DPY19L1: variants seen among roughly 807,000 people sequenced by gnomAD.
DPY19L1 encodes the protein protein C-mannosyl-transferase DPY19L1.
In DPY19L1, 35 loss-of-function variants were observed where a neutral mutation model predicts 96.9. The observed-to-expected ratio is 0.36, with a 90% CI of 0.28 to 0.48. The LOEUF is 0.48. Among genes scored for constraint, DPY19L1 ranks in the 20% least tolerant of loss-of-function variants. The pLI is 0.99. For synonymous variants in DPY19L1, 205 were observed against 252.6 expected, an observed-to-expected ratio of 0.81 and a Z score of 1.79; for missense variants, 521 against 777.9, an observed-to-expected ratio of 0.67 and a Z score of 3.93.
intron 1 of DPY19L1, among the ~76,000 whole-genome samples, chr7:35,031,514 C>A (rs1274197249): frequency 7.2e-6 from 1 of 139,262 alleles, no homozygotes; most frequent in Admixed American, 7.1e-5. Context: ...CATTAATATA[C>A]CTAACACACT....
intron 1 of DPY19L1, among the ~76,000 whole-genome samples, chr7:35,033,560 T>A (rs1562833886): frequency 6.6e-6 from 1 of 152,162 alleles, no homozygotes; most frequent in Non-Finnish European, 1.5e-5. Flanking sequence ...CATTTATTAT[T>A]CCCATTTTAA....
At chr7:35,006,513 A>G (rs963908226) in intron 6 of DPY19L1, among the ~76,000 whole-genome samples, 36 of 152,166 alleles carry the variant, frequency 2.4e-4, no homozygotes, top group African/African-American at 8.2e-4. Flanking sequence ...ATTTCCACAC[A>G]CTGGGTCTTA....
At chr7:35,037,488 C>G (rs1786460345), upstream of DPY19L1, 3 of 298,498 alleles carry the variant, frequency 1.0e-5, no homozygotes, top group East Asian at 5.0e-5. Context: ...CACTCTCCAG[C>G]GGGCGGGCGG....
chr7:35,004,663 T>A (rs1417186846), intron 6 of DPY19L1, among the ~76,000 whole-genome samples: 1 of 152,230 alleles, frequency 6.6e-6, no homozygotes, highest in African/African-American at 2.4e-5. Flanking sequence ...AGTATTTTAC[T>A]GGTTATTTAT....
At chr7:35,037,815 C>T, upstream of DPY19L1, 2 of 1,226,560 alleles carry the variant, frequency 1.6e-6, no homozygotes, top group Non-Finnish European at 1.0e-6. Context: ...CGGCTACCCA[C>T]ACCTCTTCGG....
intron 7 of DPY19L1, among the ~76,000 whole-genome samples, chr7:34,981,166 A>G (rs113818110): frequency 2.0e-5 from 3 of 152,344 alleles, no homozygotes; most frequent in African/African-American, 4.8e-5. Flanking sequence ...TGAAAAGTAT[A>G]TATCATTAAA....
rs1276408085 is a variant in DPY19L1 at position 34,931,662 on chromosome 7, A to G, written c.2158T>C (p.Cys720Arg). The change falls in exon 22 of 22, where the codon TGT becomes CGT. Residue 720 changes from cysteine to arginine, a missense_variant. By Grantham distance (180) the Cys-to-Arg change is radical. Coordinates refer to ENST00000638088, the MANE Select transcript of DPY19L1 (RefSeq NM_001366673.1). ...DPANAGKTPL[C>R]NLLVKDSKPH... ...TTGGAATCCTTCACCAAGAGGTTAC[A>G]TAAGGGAGTTTTCCCAGCATTGGCA... 1.9e-6 allele frequency: 3 copies of G among 1,599,422 alleles called. No homozygotes were observed. Among genetic ancestry groups the G allele is most frequent in the African/African-American group, 1.3e-5 (1 of 74,414 alleles).
chr7:35,038,039 G>C (rs1363950853), upstream of DPY19L1: 10 of 614,348 alleles, frequency 1.6e-5, no homozygotes, highest in African/African-American at 9.7e-5. Flanking sequence ...CGGCCACTTA[G>C]GGGCGCTGTG....
rs550916271 is a variant in DPY19L1 at position 34,936,012 on chromosome 7, TGA to T, written c.2090+1980_2090+1981del. On this transcript the variant is annotated intron_variant, in intron 21 of 21. Transcript: ENST00000638088. ...TGTTTTAATGAGTGGGGAAAACAGA[TGA>T]GAGAGTCACTTTCGTAGCTTCCTCC... is the stretch of plus-strand genomic sequence containing the variant. 3.4e-4 allele frequency among the ~76,000 whole-genome samples: 51 copies of T among 152,174 alleles called. No homozygotes were observed. The East Asian group carries it at 9.1e-3, about 27-fold the overall frequency.
At chr7:35,029,023 C>A (rs533448010) in intron 1 of DPY19L1, among the ~76,000 whole-genome samples, 11 of 152,282 alleles carry the variant, frequency 7.2e-5, no homozygotes, top group Middle Eastern at 3.4e-3. Flanking sequence ...GGCTTCTTTA[C>A]CGCATGCTGT....
chr7:34,957,347 C>T (rs1442700792), intron 11 of DPY19L1, among the ~76,000 whole-genome samples: 1 of 151,726 alleles, frequency 6.6e-6, no homozygotes, highest in Non-Finnish European at 1.5e-5. Flanking sequence ...TGCACTCCAG[C>T]GTAGGCAACA....
At chr7:35,008,071 TCTCTC>T (rs564431748) in intron 6 of DPY19L1, among the ~76,000 whole-genome samples, 1 of 152,128 alleles carries the variant, frequency 6.6e-6, no homozygotes, top group Admixed American at 6.6e-5. Context: ...TTGGCCTTTG[TCTCTC>T]CCTGGTATGC....
intron 17 of DPY19L1, 126 bp downstream of exon 17, chr7:34,942,489 A>AT (rs1369570768): frequency 8.0e-6 from 6 of 753,540 alleles, no homozygotes; most frequent in Non-Finnish European, 1.4e-5. Flanking sequence ...ATAAAAACAC[A>AT]TAACAGGCTA....
intron 1 of DPY19L1, among the ~76,000 whole-genome samples, chr7:35,034,257 C>A (rs1176034148): frequency 6.6e-6 from 1 of 152,192 alleles, no homozygotes; most frequent in African/African-American, 2.4e-5. Flanking sequence ...TTTACTACCA[C>A]AATTGTTTCC....
chr7:34,985,083 GAAGT>G (rs1023906376), intron 7 of DPY19L1, among the ~76,000 whole-genome samples: 2 of 152,118 alleles, frequency 1.3e-5, no homozygotes, highest in Admixed American at 6.6e-5. Context: ...AAAGAAAAAC[GAAGT>G]AAGAGGTCCA....
intron 6 of DPY19L1, among the ~76,000 whole-genome samples, chr7:34,997,265 A>G (rs1785307691): frequency 6.6e-6 from 1 of 151,678 alleles, no homozygotes; most frequent in African/African-American, 2.4e-5. Flanking sequence ...GTTTGATTAA[A>G]GATATGTTAG....
chr7:35,037,887 G>C, upstream of DPY19L1: 1 of 1,238,682 alleles, frequency 8.1e-7, no homozygotes, highest in Non-Finnish European at 1.0e-6. Context: ...GGAGGCGGCC[G>C]CCCTTCCATT....
chr7:34,973,712 G>A (rs1043382192), intron 7 of DPY19L1, 107 bp from the exon 8 acceptor site: 19 of 557,828 alleles, frequency 3.4e-5, no homozygotes, highest in African/African-American at 1.8e-4. Context: ...TAATTTAAAC[G>A]GTGTGTTGTA....
At chr7:34,965,074 C>A (rs1464530558) in intron 10 of DPY19L1, among the ~76,000 whole-genome samples, 1 of 152,104 alleles carries the variant, frequency 6.6e-6, no homozygotes, top group Non-Finnish European at 1.5e-5. Flanking sequence ...TTTAGAAAAA[C>A]AATTTAGTAT....
Sources: allele counts gnomAD v4.1 joint callset (sites outside exome capture counted in the v4.1 genomes callset), GRCh38; gene constraint gnomAD v4.1.1; transcripts MANE v1.5; gene names NCBI Gene and HGNC (gene_info 2026-07-23, HGNC 2026-07-21).